The following GPHN variants were observed in gnomAD, a reference collection of about 807,000 sequenced individuals.
GPHN encodes the protein gephyrin.
In GPHN, 17 loss-of-function variants were observed where a neutral mutation model predicts 95.5. That is an observed-to-expected ratio of 0.18 (90% CI 0.12 to 0.27). The LOEUF (loss-of-function observed/expected upper bound fraction) is 0.27, where lower values mean the gene tolerates loss of function less well. Ranked by LOEUF, GPHN falls within the 10% of genes least tolerant of loss-of-function variation. The pLI is 1.00. For missense variants in GPHN, 660 were observed against 978.1 expected (o/e 0.67, Z 4.34); for synonymous variants, 320 against 322.5 (o/e 0.99, Z 0.08).
the GPHN span, among the ~76,000 whole-genome samples, chr14:67,596,706 G>A: frequency 6.6e-6 from 1 of 152,054 alleles, no homozygotes; most frequent in Non-Finnish European, 1.5e-5. Context: ...TCCCACCCTT[G>A]GTATTTGATC....
At chr14:66,948,923 A>T (rs1293598833) in intron 8 of GPHN, among the ~76,000 whole-genome samples, 3 of 152,140 alleles carry the variant, frequency 2.0e-5, no homozygotes, top group Non-Finnish European at 2.9e-5. Context: ...TCAGCCTCCT[A>T]AGTAGCTGGG....
At chr14:66,677,481 T>C (rs146635500) in intron 1 of GPHN, among the ~76,000 whole-genome samples, 139 of 152,240 alleles carry the variant, frequency 9.1e-4, no homozygotes, top group Middle Eastern at 3.4e-3. Flanking sequence ...CAAGACTTCT[T>C]TGGTGTCTTT....
At chr14:67,022,308 C>G (rs990020295) in intron 9 of GPHN, among the ~76,000 whole-genome samples, 1 of 151,972 alleles carries the variant, frequency 6.6e-6, no homozygotes, top group Non-Finnish European at 1.5e-5. Context: ...TTTACACCCT[C>G]AAACCTCTCT....
the GPHN span, among the ~76,000 whole-genome samples, chr14:67,422,935 G>A: frequency 5.3e-5 from 8 of 150,892 alleles, no homozygotes; most frequent in East Asian, 1.9e-4. Context: ...AGGTTCAAGC[G>A]ATTATCCTGC....
At chr14:67,437,561 T>C in the GPHN span, among the ~76,000 whole-genome samples, 3 of 152,066 alleles carry the variant, frequency 2.0e-5, no homozygotes, top group Non-Finnish European at 4.4e-5. Flanking sequence ...CGTCTGAGAA[T>C]AGGCTGTGCG....
chr14:67,559,484 TC>T, the GPHN span: 3 of 644,534 alleles, frequency 4.7e-6, no homozygotes, highest in Admixed American at 2.7e-5. Flanking sequence ...ACAAACGATT[TC>T]TGCTCACTGG....
chr14:67,272,248 C>G, the GPHN span, among the ~76,000 whole-genome samples: 1 of 152,190 alleles, frequency 6.6e-6, no homozygotes, highest in African/African-American at 2.4e-5. Flanking sequence ...CTAGTCCTAT[C>G]TTCCACTACT....
the GPHN span, chr14:67,473,398 A>C: frequency 6.2e-7 from 1 of 1,608,630 alleles, no homozygotes; most frequent in Non-Finnish European, 8.5e-7. The surrounding 1 kb of genome is among the most constrained non-coding windows in gnomAD (Gnocchi z 6.5). Flanking sequence ...AGAGATCCCC[A>C]GGCCCCCCAC....
chr14:67,444,770 G>T, the GPHN span, among the ~76,000 whole-genome samples: 56,094 of 151,840 alleles, frequency 0.37, 10,692 homozygotes, highest in Middle Eastern at 0.45. Context: ...ACTCTTTTTT[G>T]TGTGTGTGTG....
chr14:67,562,922 A>G, the GPHN span: 2 of 1,599,514 alleles, frequency 1.3e-6, no homozygotes, highest in Non-Finnish European at 1.7e-6. Flanking sequence ...GGCTGGGCAG[A>G]GGAGCAGAGC....
chr14:66,570,249 A>G (rs2060628812), intron 1 of GPHN, among the ~76,000 whole-genome samples: 1 of 151,876 alleles, frequency 6.6e-6, no homozygotes, highest in East Asian at 1.9e-4. Flanking sequence ...ATGCTGAAAT[A>G]AAACATGGGA....
chr14:67,203,339 A>G, the GPHN span: 1 of 1,455,254 alleles, frequency 6.9e-7, no homozygotes, highest in Non-Finnish European at 9.3e-7. Context: ...GAAGATGTGC[A>G]TTAGCCCTGT....
chr14:66,951,807 T>C (rs968521037), intron 8 of GPHN, among the ~76,000 whole-genome samples: 10 of 152,262 alleles, frequency 6.6e-5, no homozygotes, highest in African/African-American at 2.4e-4. Context: ...TGCAGAATTA[T>C]AGAGAAGTTA....
chr14:66,856,292 AAAC>A (rs1481939602), intron 4 of GPHN, among the ~76,000 whole-genome samples: 1 of 152,158 alleles, frequency 6.6e-6, no homozygotes, highest in African/African-American at 2.4e-5. Context: ...GTGCTAATTC[AAAC>A]AATTTATATT....
At chr14:66,875,148 G>A (rs1267655528) in intron 4 of GPHN, among the ~76,000 whole-genome samples, 1 of 152,060 alleles carries the variant, frequency 6.6e-6, no homozygotes, top group Non-Finnish European at 1.5e-5. Context: ...TTTCATATCT[G>A]GCCAAACTAA....
the GPHN span, among the ~76,000 whole-genome samples, chr14:67,195,690 A>G: frequency 6.6e-6 from 1 of 151,438 alleles, no homozygotes; most frequent in South Asian, 2.1e-4. Flanking sequence ...TGCTAATTAT[A>G]GAACTTAATG....
intron 8 of GPHN, among the ~76,000 whole-genome samples, chr14:66,928,580 A>G (rs2066612641): frequency 6.6e-6 from 1 of 151,726 alleles, no homozygotes; most frequent in Non-Finnish European, 1.5e-5. Flanking sequence ...GATTTTCTCT[A>G]GCTTTTCTAG....
the GPHN span, among the ~76,000 whole-genome samples, chr14:67,412,608 C>T: frequency 6.6e-6 from 1 of 152,102 alleles, no homozygotes; most frequent in African/African-American, 2.4e-5. Flanking sequence ...AGGCGGCAGG[C>T]ACAGTTTGCA....
chr14:66,972,593 A>C (rs1230371187), intron 9 of GPHN, among the ~76,000 whole-genome samples: 2 of 151,864 alleles, frequency 1.3e-5, no homozygotes, highest in Non-Finnish European at 2.9e-5. Context: ...TCAAGGCTCA[A>C]GTTTTAATTA....
Sources: gnomAD v4.1 joint callset for allele counts (sites outside exome capture counted in the v4.1 genomes callset) on GRCh38, gnomAD v4.1.1 for gene constraint, Gnocchi (gnomAD v3.1) non-coding constraint, MANE v1.5 for transcripts, NCBI Gene and HGNC (gene_info 2026-07-23, HGNC 2026-07-21) for gene names.